The following PHLDB1 variants were observed in gnomAD, a reference collection of about 807,000 sequenced individuals.
PHLDB1 encodes pleckstrin homology-like domain family B member 1.
PHLDB1 carries 65 observed loss-of-function variants against 139.3 expected under a neutral mutation model. That is an observed-to-expected ratio of 0.47 (90% confidence interval 0.38 to 0.57). PHLDB1 has a LOEUF of 0.57. Ranked by LOEUF, PHLDB1 falls within the 20% of genes least tolerant of loss-of-function variation. The probability of loss-of-function intolerance (pLI) is 0.00; values close to 1 mark genes in which losing one functional copy is unlikely to be tolerated. For synonymous variants in PHLDB1, 679 were observed against 734.5 expected, an observed-to-expected ratio of 0.92 and a Z score of 1.22; for missense variants, 1,624 against 1,839.7, an observed-to-expected ratio of 0.88 and a Z score of 2.14.
At chr11:118,624,902 A>C (rs781784302) in intron 4 of PHLDB1, 32 bp from the exon 5 acceptor site, 5 of 1,612,884 alleles carry the variant, frequency 3.1e-6, no homozygotes, top group Middle Eastern at 3.3e-4. Flanking sequence ...GAGCCACCAC[A>C]CCTGGTCTTC....
intron 4 of PHLDB1, among the ~76,000 whole-genome samples, chr11:118,619,427 C>G (rs1555092590): frequency 6.6e-6 from 1 of 152,092 alleles, no homozygotes; most frequent in Non-Finnish European, 1.5e-5. Flanking sequence ...TTTTTCCCAC[C>G]CAGTTATTCC....
At position 118,642,314 on chromosome 11, in the gene PHLDB1, G is replaced by C; in HGVS notation, c.2797G>C (p.Gly933Arg). ...GCAGTGGTACCAGGAGCTGATGGCC[G>C]GGCTGGGGACTGGCCCCGCTGCAGC... is the stretch of plus-strand genomic sequence containing the variant. ...LEQWYQELMA[G>R]LGTGPAAASP... Residue 933 changes from glycine to arginine, a missense_variant, in exon 13 of 23, where the codon GGG (glycine) becomes CGG (arginine). Coordinates refer to ENST00000600882, the MANE Select transcript of PHLDB1 (RefSeq NM_001144758.3). 1 of 1,612,616 alleles carries C rather than the reference G, an allele frequency of 6.2e-7. No individual in the cohort carries two copies. The highest frequency in any genetic ancestry group is 8.5e-7 in the Non-Finnish European group (1 of 1,179,740).
chr11:118,629,347 G>A (rs1944403276), intron 6 of PHLDB1, among the ~76,000 whole-genome samples: 1 of 152,244 alleles, frequency 6.6e-6, no homozygotes, highest in East Asian at 1.9e-4. Context: ...TGCAGGGGCT[G>A]GGTGTGGCTC....
intron 20 of PHLDB1, chr11:118,652,204 C>A (rs557264280): frequency 6.6e-6 from 1 of 152,254 alleles, no homozygotes; most frequent in East Asian, 1.9e-4. Flanking sequence ...ACCTGCTGGC[C>A]CCTCTAAGAA....
At chr11:118,614,923 G>A in intron 3 of PHLDB1, 1 of 457,686 alleles carries the variant, frequency 2.2e-6, no homozygotes, top group Non-Finnish European at 4.0e-6. Flanking sequence ...GAGGCCAGGT[G>A]TGGTGGCTCA....
intron 4 of PHLDB1, among the ~76,000 whole-genome samples, 191 bp downstream of exon 4, chr11:118,616,402 A>T (rs1490003524): frequency 6.6e-6 from 1 of 152,196 alleles, no homozygotes; most frequent in African/African-American, 2.4e-5. Flanking sequence ...ACATGTTTTC[A>T]ACCTGCTTTT....
chr11:118,615,905 A>G, intron 3 of PHLDB1, 136 bp from the exon 4 acceptor site: 1 of 686,020 alleles, frequency 1.5e-6, no homozygotes, highest in Non-Finnish European at 2.5e-6. Flanking sequence ...GGGGCCTAGT[A>G]GGGGTGGCCA....
At chr11:118,613,689 A>T (rs1940969650) in intron 1 of PHLDB1, 127 bp from the exon 2 acceptor site, 1 of 633,668 alleles carries the variant, frequency 1.6e-6, no homozygotes, top group African/African-American at 1.8e-5. Flanking sequence ...ATTTCCCTTC[A>T]GCATGAGCAT....
chr11:118,653,186 TGAGCA>T (rs1948579229), intron 20 of PHLDB1: 1 of 152,496 alleles, frequency 6.6e-6, no homozygotes, highest in Non-Finnish European at 1.5e-5. Flanking sequence ...GCTGGAGGGC[TGAGCA>T]GGCCCAGAGC....
chr11:118,635,960 A>G (rs1555115335), intron 10 of PHLDB1, among the ~76,000 whole-genome samples: 1 of 152,230 alleles, frequency 6.6e-6, no homozygotes, highest in African/African-American at 2.4e-5. Context: ...TAGGGGCCCT[A>G]GAAAGGGCAT....
chr11:118,609,037 AACACGAGGCCCCAGCTCAC>A (rs1437549572), intron 1 of PHLDB1, among the ~76,000 whole-genome samples: 1 of 135,376 alleles, frequency 7.4e-6, no homozygotes, highest in East Asian at 2.3e-4. Context: ...ACCCCAGTCA[AACACGAGGCCCCAGCTCAC>A]ACACGAAGCC....
In PHLDB1 at chr11:118,627,853, C is replaced by T. The variant is rs782319586; in HGVS notation, c.1030C>T (p.Arg344Trp). ...TGCAGCTACTGTCTTGGCGGAGGCC[C>T]GGAGAGCCACTGAGAGCCCCCGGCT... is the stretch of plus-strand genomic sequence containing the variant. Reference protein sequence around the residue: ...SPAATVLAEARRATESPRLGG... With the variant: ...SPAATVLAEAWRATESPRLGG... Residue 344 changes from arginine to tryptophan, a missense_variant, in exon 6 of 23, where the codon CGG (arginine) becomes TGG (tryptophan). Physicochemically the swap from Arg to Trp is moderately radical, Grantham distance 101. Coordinates refer to ENST00000600882, the MANE Select transcript of PHLDB1 (RefSeq NM_001144758.3). 6 of 1,607,954 alleles carry T rather than the reference C, an allele frequency of 3.7e-6. No homozygotes were observed. Among genetic ancestry groups the T allele is most frequent in the East Asian group, 2.2e-5 (1 of 44,874 alleles).
In PHLDB1 at chr11:118,650,352, C is replaced by G. The variant is rs1403697930; in HGVS notation, c.3772-93C>G. 1 of 1,025,162 alleles carries G rather than the reference C, an allele frequency of 9.8e-7. No homozygotes were observed. Among genetic ancestry groups the G allele is most frequent in the Non-Finnish European group, 1.6e-6 (1 of 644,588 alleles). 63.5% of individuals were successfully genotyped at this position (1,025,162 alleles called of 1,614,324 possible). ...TGCTGGCCTGAGGAGATGTTGGGGACAATCCCCCATGAATACAGGCACAGG... is the reference window on the plus strand; with the variant it reads ...TGCTGGCCTGAGGAGATGTTGGGGAGAATCCCCCATGAATACAGGCACAGG... On this transcript the variant is annotated intron_variant, in intron 19 of 22. Transcript: ENST00000600882. This position sits in a 1 kb window ranked among gnomAD's most constrained non-coding sequence, Gnocchi z 4.7.
rs1383082974 is a variant in PHLDB1 at position 118,627,788 on chromosome 11, C to T, written c.965C>T (p.Pro322Leu). ...RLSRKGGHER[P>L]PSPGLRGLLT... ...AGCAGGAAAGGGGGCCATGAGAGGC[C>T]TCCCAGCCCTGGCCTCCGGGGTCTG... The change falls in exon 6 of 23, where the codon CCT (proline) becomes CTT (leucine). Residue 322 changes from proline to leucine, a missense_variant. By Grantham distance (98) the Pro-to-Leu change is moderately conservative. Transcript: ENST00000600882. 6.2e-7 allele frequency: 1 copy of T among 1,605,240 alleles called. No individual in the cohort carries two copies. The highest frequency in any genetic ancestry group is 1.3e-5 in the African/African-American group (1 of 74,904).
chr11:118,631,565 C>A, intron 7 of PHLDB1, 86 bp downstream of exon 7: 1 of 1,143,668 alleles, frequency 8.7e-7, no homozygotes, highest in Non-Finnish European at 1.2e-6. Flanking sequence ...TGCCAAGGTC[C>A]AGTGAGGGGA....
At position 118,650,529 on chromosome 11, in the gene PHLDB1, A is replaced by C; in HGVS notation, c.3856A>C (p.Thr1286Pro). Residue 1286 changes from threonine (T) to proline (P), a missense_variant, in exon 20 of 23, where the codon ACC becomes CCC. Physicochemically the swap from Thr to Pro is conservative, Grantham distance 38. Transcript: ENST00000600882. The surrounding 1 kb of genome is among the most constrained non-coding windows in gnomAD (Gnocchi z 4.7). ...GTTTGTCTTCGACCGGCTCAAGCGCACCCTTTCCTATTATGTGGGTGAGTT... is the reference window on the plus strand; with the variant it reads ...GTTTGTCTTCGACCGGCTCAAGCGCCCCCTTTCCTATTATGTGGGTGAGTT... ...RWFVFDRLKR[T>P]LSYYVDKHET... 1 of 1,613,338 alleles carries C rather than the reference A, an allele frequency of 6.2e-7. No homozygotes were observed. Among genetic ancestry groups the C allele is most frequent in the Non-Finnish European group, 8.5e-7 (1 of 1,179,310 alleles).
intron 21 of PHLDB1, 38 bp downstream of exon 21, chr11:118,655,728 C>G (rs782196413): frequency 9.0e-6 from 14 of 1,550,870 alleles, no homozygotes; most frequent in Non-Finnish European, 9.8e-6. Flanking sequence ...GCCAGAGGGA[C>G]AGCCATGGGG....
chr11:118,640,706 C>T (rs1241849385), intron 12 of PHLDB1: 7 of 152,702 alleles, frequency 4.6e-5, no homozygotes, highest in African/African-American at 1.4e-4. Flanking sequence ...GTGTGTGCCC[C>T]ACTGGGGACT....
intron 20 of PHLDB1, chr11:118,655,146 T>C (rs1555140752): frequency 6.1e-6 from 1 of 164,822 alleles, no homozygotes; most frequent in African/African-American, 2.4e-5. Flanking sequence ...AATACTATAC[T>C]TAATAATCTT....
Sources: gnomAD v4.1 joint callset for allele counts (sites outside exome capture counted in the v4.1 genomes callset) on GRCh38, gnomAD v4.1.1 for gene constraint, Gnocchi (gnomAD v3.1) non-coding constraint, MANE v1.5 for transcripts, NCBI Gene and HGNC (gene_info 2026-07-23, HGNC 2026-07-21) for gene names.